BNC2: variants seen among roughly 807,000 people sequenced by gnomAD.
The protein encoded by BNC2 is basonuclin zinc finger protein 2.
In BNC2, 20 loss-of-function variants were observed where a neutral mutation model predicts 76.3. The observed-to-expected ratio is 0.26, with a 90% CI of 0.18 to 0.38. The LOEUF is 0.38. BNC2 is among the 10% of genes least tolerant of loss of function. BNC2 has a pLI of 1.00. For missense variants in BNC2, 1,382 were observed against 1,399.8 expected (o/e 0.99, Z 0.20); for synonymous variants, 582 against 514.8 (o/e 1.13, Z -1.77).
At chr9:16,562,654 CAAGTATGT>C (rs1272879808) in intron 4 of BNC2, among the ~76,000 whole-genome samples, 1 of 152,068 alleles carries the variant, frequency 6.6e-6, no homozygotes, top group Non-Finnish European at 1.5e-5. Context: ...TAATTTTTAG[CAAGTATGT>C]AAGTTCCTCT....
At chr9:16,635,899 G>C (rs919918072) in intron 3 of BNC2, among the ~76,000 whole-genome samples, 1 of 152,188 alleles carries the variant, frequency 6.6e-6, no homozygotes, top group Non-Finnish European at 1.5e-5. Context: ...GCAAAGGGTA[G>C]GATGGTGGTG....
intron 6 of BNC2, chr9:16,429,921 C>T (rs571701955): frequency 8.2e-5 from 42 of 512,532 alleles, no homozygotes; most frequent in South Asian, 4.2e-4. Flanking sequence ...TAGGAAGATC[C>T]GAGGCTCACT....
chr9:16,572,122 T>C (rs1028420222), intron 4 of BNC2, among the ~76,000 whole-genome samples: 1 of 152,014 alleles, frequency 6.6e-6, no homozygotes, highest in Non-Finnish European at 1.5e-5. Flanking sequence ...CAAAGGAATA[T>C]AAAAAAACTG....
intron 3 of BNC2, chr9:16,665,096 C>CA (rs2134106091): frequency 2.2e-6 from 1 of 455,940 alleles, no homozygotes; most frequent in Admixed American, 2.4e-5. Flanking sequence ...CAGCCGGGTG[C>CA]AGTGGCTCAC....
At chr9:16,497,283 T>C (rs1822410557) in intron 5 of BNC2, among the ~76,000 whole-genome samples, 1 of 152,276 alleles carries the variant, frequency 6.6e-6, no homozygotes, top group African/African-American at 2.4e-5. Flanking sequence ...AGTATCTCAT[T>C]TATCCTAAAA....
At chr9:16,507,363 G>GA (rs985717331) in intron 5 of BNC2, among the ~76,000 whole-genome samples, 1 of 146,564 alleles carries the variant, frequency 6.8e-6, no homozygotes, top group Non-Finnish European at 1.5e-5. Context: ...GGGTTCAAAC[G>GA]ATTCTCCTGC....
At chr9:16,619,986 T>C (rs762439750) in intron 3 of BNC2, among the ~76,000 whole-genome samples, 3 of 152,192 alleles carry the variant, frequency 2.0e-5, no homozygotes, top group Non-Finnish European at 4.4e-5. Context: ...CAGCATTCAA[T>C]GCACTCAGGA....
At chr9:16,820,913 G>T (rs1005259706) in intron 1 of BNC2, among the ~76,000 whole-genome samples, 1 of 152,042 alleles carries the variant, frequency 6.6e-6, no homozygotes, top group African/African-American at 2.4e-5. Context: ...TGGCTTAAAA[G>T]GATTCAAGTA....
chr9:16,858,075 T>C (rs1417797680), intron 1 of BNC2, among the ~76,000 whole-genome samples: 4 of 152,214 alleles, frequency 2.6e-5, no homozygotes, highest in Non-Finnish European at 4.4e-5. Context: ...ACCAGTTATT[T>C]TGGGTTTGGA....
At chr9:16,585,719 C>T (rs1465922866) in intron 3 of BNC2, among the ~76,000 whole-genome samples, 1 of 152,106 alleles carries the variant, frequency 6.6e-6, no homozygotes, top group Non-Finnish European at 1.5e-5. Context: ...CATAAGTTAT[C>T]ATAAAACTAT....
intron 2 of BNC2, 34 bp downstream of exon 2, chr9:16,738,326 G>C: frequency 2.0e-6 from 3 of 1,524,922 alleles, no homozygotes; most frequent in Non-Finnish European, 2.6e-6. Flanking sequence ...GTGTGTCCAA[G>C]TAACTTAAAG....
chr9:16,601,055 T>C (rs958060567), intron 3 of BNC2, among the ~76,000 whole-genome samples: 3 of 152,186 alleles, frequency 2.0e-5, no homozygotes, highest in Non-Finnish European at 2.9e-5. Flanking sequence ...AGGTGAGATT[T>C]ATCACGTGCT....
At chr9:16,868,960 G>C (rs10962648) in intron 1 of BNC2, among the ~76,000 whole-genome samples, 16,443 of 152,212 alleles carry the variant, frequency 0.11, 1,164 homozygotes, top group Middle Eastern at 0.17. Context: ...TGAAATTGCA[G>C]AATACAAAGC....
Position 16,418,840 on chromosome 9 carries a change from G to C in BNC2, c.*149C>G. ...TCTTGTTTATCTCAAGGAAATACGT[G>C]TGTGTATATGTAGCCACAGAGCATA... is the stretch of plus-strand genomic sequence containing the variant. On this transcript the variant is annotated 3_prime_UTR_variant, in exon 7 of 7. Transcript: ENST00000380672. 1 of 839,286 alleles carries C rather than the reference G, an allele frequency of 1.2e-6. No individual in the cohort carries two copies. Among genetic ancestry groups the C allele is most frequent in the Non-Finnish European group, 1.9e-6 (1 of 520,844 alleles). 52.0% of individuals were successfully genotyped at this position (839,286 alleles called of 1,614,324 possible). A position where few individuals can be genotyped will look rare whatever the true frequency, so the allele number is the denominator to read the frequency against.
At chr9:16,515,280 C>T (rs1172127123) in intron 5 of BNC2, among the ~76,000 whole-genome samples, 2 of 152,196 alleles carry the variant, frequency 1.3e-5, no homozygotes, top group Non-Finnish European at 2.9e-5. Context: ...GGGCTGTGAC[C>T]TGAACACTGC....
intron 2 of BNC2, among the ~76,000 whole-genome samples, chr9:16,737,054 C>A (rs1824693269): frequency 6.6e-6 from 1 of 150,522 alleles, no homozygotes; most frequent in Non-Finnish European, 1.5e-5. Context: ...GATCCACCTG[C>A]CTCAGCCTCC....
intron 4 of BNC2, among the ~76,000 whole-genome samples, chr9:16,555,298 C>T (rs1389015884): frequency 6.6e-6 from 1 of 151,686 alleles, no homozygotes; most frequent in African/African-American, 2.4e-5. Context: ...GCCGGGATTA[C>T]AGGCATGAGC....
intron 5 of BNC2, among the ~76,000 whole-genome samples, chr9:16,443,808 T>A (rs1821177557): frequency 6.6e-6 from 1 of 152,172 alleles, no homozygotes; most frequent in African/African-American, 2.4e-5. Context: ...TATGGGAACA[T>A]AAAGTGGATT....
At chr9:16,869,301 T>G (rs1819618158) in intron 1 of BNC2, among the ~76,000 whole-genome samples, 1 of 152,200 alleles carries the variant, frequency 6.6e-6, no homozygotes. Flanking sequence ...ACGTCAGTTT[T>G]ACAACAGCTT....
Sources: allele counts gnomAD v4.1 joint callset (sites outside exome capture counted in the v4.1 genomes callset), GRCh38; gene constraint gnomAD v4.1.1; transcripts MANE v1.5; gene names NCBI Gene and HGNC (gene_info 2026-07-23, HGNC 2026-07-21).